The following CAMSAP1 variants were observed in gnomAD, a reference collection of about 807,000 sequenced individuals.
The protein encoded by CAMSAP1 is calmodulin-regulated spectrin-associated protein 1.
A neutral mutation model predicts 143.5 loss-of-function variants in CAMSAP1; 58 were observed. That is an observed-to-expected ratio of 0.40 (90% CI 0.33 to 0.50). The LOEUF (loss-of-function observed/expected upper bound fraction) is 0.50, where lower values mean the gene tolerates loss of function less well. Ranked by LOEUF, CAMSAP1 falls within the 20% of genes least tolerant of loss-of-function variation. The pLI, the probability that CAMSAP1 is intolerant of heterozygous loss-of-function variation, is 0.45. For missense variants in CAMSAP1, 1,969 were observed against 2,115.7 expected (o/e 0.93, Z 1.36); for synonymous variants, 945 against 859.3 (o/e 1.10, Z -1.74).
In CAMSAP1 at chr9:135,815,233, G is replaced by A. The variant is rs375785500; in HGVS notation, c.4388-18C>T. 10 of 1,546,988 alleles carry A rather than the reference G, an allele frequency of 6.5e-6. No homozygotes were observed. Among genetic ancestry groups the A allele is most frequent in the African/African-American group, 2.8e-5 (2 of 72,656 alleles). On this transcript the variant is annotated intron_variant, in intron 15 of 16. Coordinates refer to ENST00000389532, the MANE Select transcript of CAMSAP1 (RefSeq NM_015447.4). ...CTTGGGACCTAAGAAACGAGGCCAGGGTTGGTAAAATTATTATTTTAAGGC... is the reference window on the plus strand; with the variant it reads ...CTTGGGACCTAAGAAACGAGGCCAGAGTTGGTAAAATTATTATTTTAAGGC...
At chr9:135,904,952 G>A (rs530656612) in intron 1 of CAMSAP1, among the ~76,000 whole-genome samples, 6 of 150,222 alleles carry the variant, frequency 4.0e-5, no homozygotes, top group Admixed American at 6.6e-5. Context: ...ACGATAGAGC[G>A]AGACTCCGTC....
intron 3 of CAMSAP1, among the ~76,000 whole-genome samples, chr9:135,871,350 G>A (rs1211385248): frequency 6.6e-6 from 1 of 151,940 alleles, no homozygotes; most frequent in Non-Finnish European, 1.5e-5. Context: ...CACCATGCTT[G>A]GCTAATTTTT....
chr9:135,817,681 G>C (rs889745449), intron 14 of CAMSAP1: 1 of 308,402 alleles, frequency 3.2e-6, no homozygotes, highest in East Asian at 8.3e-5. Context: ...TCATGGGTGT[G>C]AGCCACCACG....
chr9:135,884,635 C>A (rs1036017989), intron 1 of CAMSAP1, among the ~76,000 whole-genome samples: 1 of 152,226 alleles, frequency 6.6e-6, no homozygotes, highest in Non-Finnish European at 1.5e-5. Context: ...CCTATACTTG[C>A]TGACCACATC....
At chr9:135,906,655 G>A (rs1838786781) in intron 1 of CAMSAP1, among the ~76,000 whole-genome samples, 1 of 152,172 alleles carries the variant, frequency 6.6e-6, no homozygotes, top group Admixed American at 6.5e-5. Flanking sequence ...CTCAGACGGC[G>A]GCCCCGCGTC....
chr9:135,841,832 C>A (rs916425384), intron 7 of CAMSAP1, among the ~76,000 whole-genome samples: 3 of 152,142 alleles, frequency 2.0e-5, no homozygotes, highest in African/African-American at 7.2e-5. Flanking sequence ...ACACAAAAAC[C>A]CCATCCAAAG....
intron 3 of CAMSAP1, among the ~76,000 whole-genome samples, chr9:135,880,516 T>C (rs1364308455): frequency 1.3e-5 from 2 of 152,056 alleles, no homozygotes; most frequent in Admixed American, 1.3e-4. Context: ...AACCCCAAGC[T>C]TGGGTAGGAA....
At chr9:135,837,287 T>C (rs1836099209) in intron 7 of CAMSAP1, among the ~76,000 whole-genome samples, 1 of 151,852 alleles carries the variant, frequency 6.6e-6, no homozygotes, top group South Asian at 2.1e-4. Flanking sequence ...ACGCACTTTC[T>C]ACCCCTTCTA....
Position 135,882,498 on chromosome 9 carries a change from G to T in CAMSAP1, c.423+318C>A, listed in dbSNP as rs1391903737. On this transcript the variant is annotated intron_variant, in intron 2 of 16. Coordinates refer to ENST00000389532, the MANE Select transcript of CAMSAP1 (RefSeq NM_015447.4). This position sits in a 1 kb window ranked among gnomAD's most constrained non-coding sequence, Gnocchi z 4.9. The stretch of plus-strand genomic sequence containing the variant: ...TGCATGAAACAACCTAACAGAATGG[G>T]TGCAACAATTACATTTCTCATCTGT... 6.6e-6 allele frequency among the ~76,000 whole-genome samples: 1 copy of T among 152,172 alleles called. No homozygotes were observed. The highest frequency in any genetic ancestry group is 1.9e-4 in the East Asian group (1 of 5,192).
intron 7 of CAMSAP1, among the ~76,000 whole-genome samples, chr9:135,833,529 T>G (rs558484816): frequency 6.6e-6 from 1 of 152,206 alleles, no homozygotes; most frequent in South Asian, 2.1e-4. Flanking sequence ...TTAACTAATC[T>G]TTGACAAAGG....
intron 7 of CAMSAP1, among the ~76,000 whole-genome samples, chr9:135,831,319 C>G (rs750439218): frequency 6.6e-6 from 1 of 151,940 alleles, no homozygotes; most frequent in South Asian, 2.1e-4. Context: ...CATACCAAAA[C>G]TTGCATGATG....
intron 3 of CAMSAP1, among the ~76,000 whole-genome samples, chr9:135,874,481 G>GC (rs1280920845): frequency 3.3e-5 from 5 of 150,066 alleles, no homozygotes; most frequent in Admixed American, 2.0e-4. Flanking sequence ...TCAAAAAAGG[G>GC]GGGGGGGGGC....
intron 7 of CAMSAP1, among the ~76,000 whole-genome samples, chr9:135,847,859 G>A (rs1836613945): frequency 3.8e-4 from 1 of 2,598 alleles, no homozygotes; most frequent in African/African-American, 1.9e-3. Flanking sequence ...GGGGAGTGGG[G>A]GGAGGGGGCA....
At chr9:135,834,929 A>G (rs972269375) in intron 7 of CAMSAP1, among the ~76,000 whole-genome samples, 14 of 152,164 alleles carry the variant, frequency 9.2e-5, no homozygotes, top group Admixed American at 7.2e-4. Context: ...CACCAGGCCT[A>G]TAACCAGGGT....
At chr9:135,819,546 A>G (rs1490824866) in intron 11 of CAMSAP1, among the ~76,000 whole-genome samples, 1 of 151,888 alleles carries the variant, frequency 6.6e-6, no homozygotes, top group Non-Finnish European at 1.5e-5. Flanking sequence ...TAAAAATACA[A>G]AAATTGGCTA....
chr9:135,855,666 A>T (rs887516108), intron 5 of CAMSAP1, among the ~76,000 whole-genome samples: 1 of 148,682 alleles, frequency 6.7e-6, no homozygotes, highest in Non-Finnish European at 1.5e-5. Flanking sequence ...GCTTGAATCC[A>T]GGTGGTGGCA....
chr9:135,873,082 G>A (rs763372890), intron 3 of CAMSAP1, among the ~76,000 whole-genome samples: 1 of 152,148 alleles, frequency 6.6e-6, no homozygotes, highest in Non-Finnish European at 1.5e-5. Flanking sequence ...GGCATGTCAC[G>A]GACCCTAAGT....
chr9:135,836,753 T>G, intron 7 of CAMSAP1: 1 of 953,880 alleles, frequency 1.0e-6, no homozygotes, highest in Non-Finnish European at 1.2e-6. Flanking sequence ...AGCCACACAT[T>G]GTCACGTACC....
intron 3 of CAMSAP1, among the ~76,000 whole-genome samples, chr9:135,880,366 A>G (rs995078223): frequency 6.6e-6 from 1 of 152,028 alleles, no homozygotes; most frequent in Non-Finnish European, 1.5e-5. Context: ...AGAGTGGGGC[A>G]GAGATGCTAC....
Sources: gnomAD v4.1 joint callset for allele counts (sites outside exome capture counted in the v4.1 genomes callset) on GRCh38, gnomAD v4.1.1 for gene constraint, Gnocchi (gnomAD v3.1) non-coding constraint, MANE v1.5 for transcripts, NCBI Gene and HGNC (gene_info 2026-07-23, HGNC 2026-07-21) for gene names.